The following AGBL1 variants were observed in gnomAD, a reference collection of about 807,000 sequenced individuals.
The protein encoded by AGBL1 is AGBL carboxypeptidase 1.
AGBL1 carries 130 observed loss-of-function variants against 118.9 expected under a neutral mutation model. The ratio of observed to expected loss-of-function variants is 1.09; its 90% CI spans 0.95 to 1.26. The LOEUF is 1.26. AGBL1 is among the 50% of genes most tolerant of loss of function. The probability of loss-of-function intolerance (pLI) is 0.00; values close to 1 mark genes in which losing one functional copy is unlikely to be tolerated. For synonymous variants in AGBL1, 555 were observed against 478.9 expected (o/e 1.16, Z -2.08); for missense variants, 1,584 against 1,298.1 (o/e 1.22, Z -3.38).
chr15:87,013,092 G>A (rs1482051269), intron 24 of AGBL1, among the ~76,000 whole-genome samples: 2 of 152,168 alleles, frequency 1.3e-5, no homozygotes, highest in Non-Finnish European at 2.9e-5. Flanking sequence ...TTCTGACAAT[G>A]AATTCCCAAG....
At chr15:86,735,374 C>T (rs2077577999) in intron 22 of AGBL1, among the ~76,000 whole-genome samples, 1 of 152,096 alleles carries the variant, frequency 6.6e-6, no homozygotes. Flanking sequence ...AGGCATGGCA[C>T]CCAGCTGGCT....
intron 22 of AGBL1, among the ~76,000 whole-genome samples, chr15:86,695,997 C>T (rs909496372): frequency 2.6e-5 from 4 of 151,848 alleles, no homozygotes; most frequent in African/African-American, 9.7e-5. Flanking sequence ...TTTATTGAGA[C>T]TTGTTTTGTG....
chr15:86,909,554 A>T lies in AGBL1; in HGVS notation c.*2260A>T, dbSNP rs1346012946. 1 of 152,224 alleles carries T rather than the reference A, an allele frequency of 6.6e-6. No individual in the cohort carries two copies. The highest frequency in any genetic ancestry group is 1.5e-5 in the Non-Finnish European group (1 of 68,040). The allele number at this position is 152,224 out of a possible 1,614,324, so 9.4% of individuals were successfully genotyped here. ...TTTGTAGTTCAGAAATTGTATATCC[A>T]TTCTTCATATTAAGACATGTATGTT... On this transcript the variant is annotated 3_prime_UTR_variant, in exon 23 of 23. Transcript: ENST00000614907.
chr15:86,419,751 G>C lies in AGBL1; in HGVS notation c.2555+22205G>C, dbSNP rs1016946301. Reference sequence around the variant, plus strand: ...GCTGCCAGCACAGCAGTCTGAAGTCGACCTGGGATGCTCTAGCTTTGTTGG... The same window carrying C: ...GCTGCCAGCACAGCAGTCTGAAGTCCACCTGGGATGCTCTAGCTTTGTTGG... On this transcript the variant is annotated intron_variant, in intron 18 of 22. Coordinates refer to ENST00000614907, the MANE Select transcript of AGBL1 (RefSeq NM_001386094.1). Among the ~76,000 whole-genome samples, 3 of 152,294 alleles carry C rather than the reference G, an allele frequency of 2.0e-5. No individual in the cohort carries two copies. In the East Asian group the frequency reaches 5.8e-4, roughly 29 times the overall value.
At chr15:86,590,537 A>G (rs115742690) in intron 21 of AGBL1, among the ~76,000 whole-genome samples, 173 of 152,326 alleles carry the variant, frequency 1.1e-3, no homozygotes, top group African/African-American at 4.0e-3. Context: ...TCTTTTCTTT[A>G]TAAATTACCC....
intron 18 of AGBL1, among the ~76,000 whole-genome samples, chr15:86,476,648 T>C (rs750325180): frequency 4.6e-5 from 7 of 152,072 alleles, no homozygotes; most frequent in East Asian, 1.9e-4. Context: ...TTTAACACCC[T>C]ACTGTCAACA....
intron 22 of AGBL1, among the ~76,000 whole-genome samples, chr15:86,769,833 C>A (rs1596465755): frequency 6.6e-6 from 1 of 151,940 alleles, no homozygotes; most frequent in South Asian, 2.1e-4. Context: ...CATCTCATTG[C>A]CTCCCTTTTA....
intron 17 of AGBL1, among the ~76,000 whole-genome samples, chr15:86,319,687 T>A (rs993667728): frequency 6.6e-6 from 1 of 151,032 alleles, no homozygotes; most frequent in African/African-American, 2.4e-5. Context: ...TTAAATAAAT[T>A]CTGATACCTC....
intron 21 of AGBL1, among the ~76,000 whole-genome samples, chr15:86,624,019 A>G (rs925414720): frequency 3.3e-5 from 5 of 152,238 alleles, no homozygotes; most frequent in African/African-American, 7.2e-5. Flanking sequence ...GGGCCTTTCC[A>G]TAAGAGAAAG....
intron 22 of AGBL1, among the ~76,000 whole-genome samples, chr15:86,730,468 C>T (rs2077512564): frequency 6.6e-6 from 1 of 152,178 alleles, no homozygotes; most frequent in East Asian, 1.9e-4. Context: ...ACTTTTTAAT[C>T]ACTCTTAAAC....
At chr15:86,945,334 T>A (rs1456935208) in intron 23 of AGBL1, among the ~76,000 whole-genome samples, 2 of 151,456 alleles carry the variant, frequency 1.3e-5, no homozygotes, top group Non-Finnish European at 2.9e-5. Flanking sequence ...AAAAAAAGTT[T>A]ACAGATTTAT....
chr15:86,790,046 T>C (rs979792404), intron 22 of AGBL1, among the ~76,000 whole-genome samples: 2 of 152,172 alleles, frequency 1.3e-5, no homozygotes, highest in African/African-American at 2.4e-5. Context: ...TTTGTTGTTA[T>C]TTGTAACATG....
At chr15:86,082,550 C>T (rs550905233) in intron 1 of AGBL1, among the ~76,000 whole-genome samples, 1 of 152,186 alleles carries the variant, frequency 6.6e-6, no homozygotes, top group Non-Finnish European at 1.5e-5. Context: ...AACAGAATAT[C>T]CCTGTGCTAT....
intron 5 of AGBL1, among the ~76,000 whole-genome samples, chr15:86,168,129 G>A (rs1224619419): frequency 6.6e-6 from 1 of 152,136 alleles, no homozygotes; most frequent in Non-Finnish European, 1.5e-5. Flanking sequence ...TCAGAGATTT[G>A]TGGGCATTGA....
intron 5 of AGBL1, among the ~76,000 whole-genome samples, chr15:86,196,871 G>GCGCA (rs2077815585): frequency 4.0e-5 from 4 of 99,600 alleles, no homozygotes; most frequent in Non-Finnish European, 3.8e-5. Flanking sequence ...GCACATGTGC[G>GCGCA]CGCGCGCGCA....
chr15:86,197,206 T>A (rs144378631), intron 5 of AGBL1, among the ~76,000 whole-genome samples: 2 of 152,130 alleles, frequency 1.3e-5, no homozygotes, highest in African/African-American at 2.4e-5. Flanking sequence ...TTGAGGTGCA[T>A]GCCAGAAAAC....
At chr15:86,163,116 C>A (rs79109451) in intron 5 of AGBL1, among the ~76,000 whole-genome samples, 1 of 152,166 alleles carries the variant, frequency 6.6e-6, no homozygotes, top group Non-Finnish European at 1.5e-5. Context: ...CCTAGCCCAG[C>A]GCCTAGATAA....
At chr15:86,948,625 G>A (rs947519346) in intron 23 of AGBL1, among the ~76,000 whole-genome samples, 6 of 152,336 alleles carry the variant, frequency 3.9e-5, no homozygotes, top group East Asian at 3.9e-4. Flanking sequence ...GATTGAATGC[G>A]TGTGATGAGT....
In AGBL1 at chr15:86,330,126, T is replaced by A. The variant is rs534224698; in HGVS notation, c.2374+34718T>A. ...TCAGCCTGGCCCTGCCCACTGTGGCTGCTGCCTCCCTGGGAGCTGAGCAGG... is the reference window on the plus strand; with the variant it reads ...TCAGCCTGGCCCTGCCCACTGTGGCAGCTGCCTCCCTGGGAGCTGAGCAGG... On this transcript the variant is annotated intron_variant, in intron 17 of 22. Transcript: ENST00000614907. Among the ~76,000 whole-genome samples the A allele has an allele frequency of 4.0e-4, 61 of 152,334 alleles. No individual in the cohort carries two copies. In the South Asian group the frequency reaches 0.011, roughly 28 times the overall value.
Sources: gnomAD v4.1 joint callset for allele counts (sites outside exome capture counted in the v4.1 genomes callset) on GRCh38, gnomAD v4.1.1 for gene constraint, MANE v1.5 for transcripts, NCBI Gene and HGNC (gene_info 2026-07-23, HGNC 2026-07-21) for gene names.